PAX3: variants seen among roughly 807,000 people sequenced by gnomAD.
PAX3 encodes the protein paired box 3.
In PAX3, 14 loss-of-function variants were observed where a neutral mutation model predicts 51.6. The observed-to-expected ratio is 0.27, with a 90% CI of 0.18 to 0.42. The LOEUF is 0.42. Ranked by LOEUF, PAX3 falls within the 10% of genes least tolerant of loss-of-function variation. PAX3 has a pLI of 1.00. For synonymous variants in PAX3, 280 were observed against 253.4 expected, an observed-to-expected ratio of 1.11 and a Z score of -1.00; for missense variants, 540 against 642.8, an observed-to-expected ratio of 0.84 and a Z score of 1.73.
intron 4 of PAX3, among the ~76,000 whole-genome samples, chr2:222,254,109 T>C (rs926016402): frequency 6.6e-6 from 1 of 152,190 alleles, no homozygotes; most frequent in Non-Finnish European, 1.5e-5. Flanking sequence ...AAGTTTTTTT[T>C]TAATATGACA....
At chr2:222,221,915 T>C (rs1692210079) in intron 5 of PAX3, among the ~76,000 whole-genome samples, 1 of 151,752 alleles carries the variant, frequency 6.6e-6, no homozygotes, top group Non-Finnish European at 1.5e-5. Flanking sequence ...CCTTTTTTCA[T>C]CTCTTCCAAA....
intron 4 of PAX3, among the ~76,000 whole-genome samples, chr2:222,280,535 T>C (rs967303038): frequency 6.6e-6 from 1 of 152,168 alleles, no homozygotes; most frequent in Non-Finnish European, 1.5e-5. Context: ...AATGAGTGAG[T>C]ACTTGCTTTG....
chr2:222,204,278 A>G (rs1691421010), intron 7 of PAX3, among the ~76,000 whole-genome samples: 1 of 152,140 alleles, frequency 6.6e-6, no homozygotes, highest in Non-Finnish European at 1.5e-5. Flanking sequence ...GTTTATAGCA[A>G]TTTCTTCATT....
At chr2:222,257,016 G>A (rs1227906170) in intron 4 of PAX3, among the ~76,000 whole-genome samples, 1 of 152,212 alleles carries the variant, frequency 6.6e-6, no homozygotes, top group Non-Finnish European at 1.5e-5. Flanking sequence ...CTGGGAAATA[G>A]TCACAGAATG....
intron 7 of PAX3, among the ~76,000 whole-genome samples, chr2:222,211,714 A>C (rs1691743203): frequency 6.6e-6 from 1 of 152,196 alleles, no homozygotes; most frequent in South Asian, 2.1e-4. Context: ...TTAAAACTTG[A>C]TAGTTTGGTA....
intron 4 of PAX3, among the ~76,000 whole-genome samples, chr2:222,239,689 G>A (rs918487706): frequency 6.6e-6 from 1 of 152,074 alleles, no homozygotes; most frequent in Non-Finnish European, 1.5e-5. Context: ...TAAACTGGGA[G>A]GGATGGTTTA....
intron 4 of PAX3, among the ~76,000 whole-genome samples, chr2:222,292,341 C>T (rs1015284621): frequency 6.6e-6 from 1 of 152,190 alleles, no homozygotes; most frequent in African/African-American, 2.4e-5. Flanking sequence ...CGAGCTGGAG[C>T]TTTGTCTGGG....
At chr2:222,246,083 G>A (rs1180886307) in intron 4 of PAX3, among the ~76,000 whole-genome samples, 1 of 152,154 alleles carries the variant, frequency 6.6e-6, no homozygotes, top group African/African-American at 2.4e-5. Context: ...GGTTCACCAT[G>A]ACCACTTTTT....
chr2:222,242,241 A>C (rs1233992431), intron 4 of PAX3: 1 of 152,166 alleles, frequency 6.6e-6, no homozygotes, highest in Non-Finnish European at 1.5e-5. Flanking sequence ...TTCTGAAATC[A>C]TAGCTATGTA....
At chr2:222,201,622 T>C in intron 8 of PAX3, 180 bp from the exon 9 acceptor site, 1 of 1,307,810 alleles carries the variant, frequency 7.6e-7, no homozygotes, top group Non-Finnish European at 1.1e-6. Flanking sequence ...ATCCCCCATA[T>C]GATCCTGGAG....
chr2:222,296,885 A>G (rs1287898068), intron 2 of PAX3, 93 bp downstream of exon 2: 6 of 1,017,872 alleles, frequency 5.9e-6, no homozygotes, highest in Non-Finnish European at 7.5e-6. Flanking sequence ...CTCATTGGAG[A>G]GCCCCAGATG....
intron 7 of PAX3, among the ~76,000 whole-genome samples, chr2:222,214,196 T>C (rs1272635407): frequency 6.6e-6 from 1 of 152,188 alleles, no homozygotes; most frequent in Non-Finnish European, 1.5e-5. Context: ...TTGAGTTTTG[T>C]GTACACATAT....
Position 222,201,003 on chromosome 2 carries a change from G to GA in PAX3, c.*404_*405insT, listed in dbSNP as rs1691264818. 1 of 674,950 alleles carries GA rather than the reference G, an allele frequency of 1.5e-6. No homozygotes were observed. The highest frequency in any genetic ancestry group is 2.4e-5 in the Admixed American group (1 of 41,290). 41.8% of individuals were successfully genotyped at this position (674,950 alleles called of 1,614,324 possible). On this transcript the variant is annotated 3_prime_UTR_variant, in exon 9 of 9. Transcript: ENST00000392070. ...ATTCTATTATATTTTAGAACAGTCTGCTTGCCCAAACCAGTCTGGGTAAAT... is the reference window on the plus strand; with the variant it reads ...ATTCTATTATATTTTAGAACAGTCTGACTTGCCCAAACCAGTCTGGGTAAAT...
Position 222,200,631 on chromosome 2 carries a change from C to G in PAX3, c.*777G>C, listed in dbSNP as rs1691253236. 1 of 250,276 alleles carries G rather than the reference C, an allele frequency of 4.0e-6. No homozygotes were observed. The highest frequency in any genetic ancestry group is 1.3e-4 in the South Asian group (1 of 7,740). 15.5% of individuals were successfully genotyped at this position (250,276 alleles called of 1,614,324 possible). A position where few individuals can be genotyped will look rare whatever the true frequency, so the allele number is the denominator to read the frequency against. ...CTTTCTCTCCACCGTGCCCTTCCTC[C>G]AACCCAGGTGGGCTACCAAATAAAT... On this transcript the variant is annotated 3_prime_UTR_variant, in exon 9 of 9. Transcript: ENST00000392070.
Position 222,269,172 on chromosome 2 carries a change from C to G in PAX3, c.586+24995G>C, listed in dbSNP as rs541591831. ...CTATTTGCAGTTTTCTTGGCTAATA[C>G]TCCGAACAAATACGGACTGTTTCTT... is the stretch of plus-strand genomic sequence containing the variant. On this transcript the variant is annotated intron_variant, in intron 4 of 8. Transcript: ENST00000392070. 4.6e-5 allele frequency among the ~76,000 whole-genome samples: 7 copies of G among 152,328 alleles called. No homozygotes were observed. The South Asian group carries it at 1.2e-3, about 27-fold the overall frequency.
chr2:222,201,637 C>A, intron 8 of PAX3, 195 bp from the exon 9 acceptor site: 1 of 1,321,824 alleles, frequency 7.6e-7, no homozygotes, highest in Non-Finnish European at 1.0e-6. Flanking sequence ...CTGGAGCTGA[C>A]CTCATTAAGA....
intron 4 of PAX3, among the ~76,000 whole-genome samples, chr2:222,257,206 ATT>A (rs11351476): frequency 3.3e-4 from 49 of 149,232 alleles, no homozygotes; most frequent in South Asian, 6.3e-4. Context: ...ATGGCTCAGC[ATT>A]TTTTTTTTTT....
At chr2:222,204,512 T>C (rs1691429572) in intron 7 of PAX3, among the ~76,000 whole-genome samples, 1 of 152,218 alleles carries the variant, frequency 6.6e-6, no homozygotes, top group Non-Finnish European at 1.5e-5. Context: ...AAAGAGTCTT[T>C]AAGTTAGAGG....
chr2:222,231,052 G>A (rs1416709709), intron 5 of PAX3, among the ~76,000 whole-genome samples: 1 of 152,076 alleles, frequency 6.6e-6, no homozygotes, highest in African/African-American at 2.4e-5. Flanking sequence ...GCACTATGAT[G>A]ATCATATGGA....
Sources: gnomAD v4.1 joint callset for allele counts (sites outside exome capture counted in the v4.1 genomes callset) on GRCh38, gnomAD v4.1.1 for gene constraint, MANE v1.5 for transcripts, NCBI Gene and HGNC (gene_info 2026-07-23, HGNC 2026-07-21) for gene names.